The following CUL4A variants were observed in gnomAD, a reference collection of about 807,000 sequenced individuals.
CUL4A encodes the protein cullin 4A, also known as cullin-4A.
A neutral mutation model predicts 95.5 loss-of-function variants in CUL4A; 16 were observed. The observed-to-expected ratio is 0.17, with a 90% CI of 0.11 to 0.25. The LOEUF is 0.25. Among genes scored for constraint, CUL4A ranks in the 10% least tolerant of loss-of-function variants. The pLI, the probability that CUL4A is intolerant of heterozygous loss-of-function variation, is 1.00. For missense variants in CUL4A, 610 were observed against 937.0 expected (o/e 0.65, Z 4.56); for synonymous variants, 380 against 353.1 (o/e 1.08, Z -0.85).
rs533393838 is a variant in CUL4A, at chr13:113,213,982, C to T, written c.264+3894C>T. On this transcript the variant is annotated intron_variant, in intron 2 of 19. Coordinates refer to ENST00000375440, the MANE Select transcript of CUL4A (RefSeq NM_001008895.4). Reference sequence around the variant, plus strand: ...TCTAAGAAAAGCAAATGTGAAATTACTGATGTCTGATCAAGCAGGCAATAC... The same window carrying T: ...TCTAAGAAAAGCAAATGTGAAATTATTGATGTCTGATCAAGCAGGCAATAC... Among the ~76,000 whole-genome samples the T allele has an allele frequency of 1.5e-3, 229 of 152,352 alleles. 1 individual carries two copies. Among genetic ancestry groups the T allele is most frequent in the African/African-American group, 5.4e-3 (225 of 41,578 alleles).
At chr13:113,233,672 C>T (rs752399613) in intron 6 of CUL4A, among the ~76,000 whole-genome samples, 1 of 152,094 alleles carries the variant, frequency 6.6e-6, no homozygotes, top group Non-Finnish European at 1.5e-5. Context: ...AGACAAAGGG[C>T]GAAGTTCTTT....
At chr13:113,238,828 G>A (rs1231476153) in intron 9 of CUL4A, among the ~76,000 whole-genome samples, 2 of 152,110 alleles carry the variant, frequency 1.3e-5, no homozygotes, top group Non-Finnish European at 2.9e-5. Context: ...ACCATTTTAT[G>A]CTTTAACCTG....
intron 5 of CUL4A, chr13:113,229,738 A>G: frequency 3.7e-6 from 2 of 534,426 alleles, no homozygotes; most frequent in South Asian, 5.6e-5. Flanking sequence ...GGAAGCTCGG[A>G]CAGGCGGCTG....
chr13:113,231,245 A>G (rs1358402405), intron 5 of CUL4A, among the ~76,000 whole-genome samples: 2 of 152,220 alleles, frequency 1.3e-5, no homozygotes, highest in Non-Finnish European at 2.9e-5. Flanking sequence ...TGGGCAATGC[A>G]TGGTGAGGAG....
chr13:113,226,259 T>G (rs1173591067), intron 3 of CUL4A, among the ~76,000 whole-genome samples: 1 of 152,232 alleles, frequency 6.6e-6, no homozygotes, highest in East Asian at 1.9e-4. Flanking sequence ...CATTGGCTCT[T>G]GAGTGTGAAG....
intron 2 of CUL4A, among the ~76,000 whole-genome samples, chr13:113,213,331 T>C (rs1361108309): frequency 6.6e-6 from 1 of 152,200 alleles, no homozygotes; most frequent in Non-Finnish European, 1.5e-5. Flanking sequence ...AGCTGAGCAG[T>C]TGGGGCCTGT....
intron 18 of CUL4A, among the ~76,000 whole-genome samples, chr13:113,256,540 C>G (rs1377092016): frequency 1.3e-5 from 2 of 152,172 alleles, no homozygotes; most frequent in Non-Finnish European, 2.9e-5. Flanking sequence ...TCCACCTGTC[C>G]TTCGCTCACC....
rs1307191942 is a variant in CUL4A, at chr13:113,209,981, C to T, written c.157C>T (p.Arg53Trp). The change falls in exon 2 of 20, where the codon CGG becomes TGG. Residue 53 changes from arginine to tryptophan, a missense_variant. By Grantham distance (101) the Arg-to-Trp change is moderately radical. Coordinates refer to ENST00000375440, the MANE Select transcript of CUL4A (RefSeq NM_001008895.4). Reference protein sequence around the residue: ...LVIKNFRDRPRLPDNYTQDTW... With the variant: ...LVIKNFRDRPWLPDNYTQDTW... The stretch of plus-strand genomic sequence containing the variant: ...CTCCCTCCGCCCTGCAGACAGACCT[C>T]GGCTGCCCGACAACTACACGCAGGA... The T allele has an allele frequency of 1.3e-6, 2 of 1,512,738 alleles. No homozygotes were observed. The highest frequency in any genetic ancestry group is 1.5e-5 in the African/African-American group (1 of 68,810). 93.7% of individuals were successfully genotyped at this position (1,512,738 alleles called of 1,614,324 possible). A position where few individuals can be genotyped will look rare whatever the true frequency, so the allele number is the denominator to read the frequency against.
At chr13:113,215,234 GCTGTGGAGGTCGCTGTGTGA>G (rs797011546) in intron 2 of CUL4A, among the ~76,000 whole-genome samples, 106 of 150,008 alleles carry the variant, frequency 7.1e-4, no homozygotes, top group African/African-American at 2.3e-3. Flanking sequence ...ATCCCGTGTG[GCTGTGGAGGTCGCTGTGTGA>G]CTGTGGAGGT....
At chr13:113,223,867 A>G (rs1016003290) in intron 3 of CUL4A, among the ~76,000 whole-genome samples, 2 of 152,020 alleles carry the variant, frequency 1.3e-5, no homozygotes, top group Non-Finnish European at 2.9e-5. Flanking sequence ...TGTTTGATAA[A>G]TTCTGCACTT....
chr13:113,244,674 T>C (rs2041811657), intron 12 of CUL4A, among the ~76,000 whole-genome samples, 160 bp downstream of exon 12: 2 of 152,152 alleles, frequency 1.3e-5, no homozygotes, highest in African/African-American at 4.8e-5. Context: ...ACCCCGTCTC[T>C]ACTAAAAATA....
At chr13:113,231,009 G>A (rs1046886603) in intron 5 of CUL4A, among the ~76,000 whole-genome samples, 2 of 152,118 alleles carry the variant, frequency 1.3e-5, no homozygotes, top group Non-Finnish European at 2.9e-5. Context: ...CTGGCCTCAA[G>A]CGATCCTCCC....
chr13:113,253,970 A>T (rs1475777208), intron 16 of CUL4A, among the ~76,000 whole-genome samples: 1 of 152,228 alleles, frequency 6.6e-6, no homozygotes, highest in Non-Finnish European at 1.5e-5. Flanking sequence ...ATATACATGA[A>T]ACCATATATT....
Position 113,242,964 on chromosome 13 carries a change from G to A in CUL4A, c.1036-4G>A. The A allele has an allele frequency of 2.5e-6, 4 of 1,598,418 alleles. No homozygotes were observed. The highest frequency in any genetic ancestry group is 3.4e-6 in the Non-Finnish European group (4 of 1,167,348). ...GCTGAGTTGGTATTGATTTGCTTTT[G>A]TAGACTTTTGGAACAGCGATCGTAA... On this transcript the variant is annotated splice_region_variant and splice_polypyrimidine_tract_variant and intron_variant, in intron 10 of 19. Transcript: ENST00000375440.
chr13:113,231,238 G>T (rs1411609609), intron 5 of CUL4A, among the ~76,000 whole-genome samples: 1 of 152,190 alleles, frequency 6.6e-6, no homozygotes, highest in Admixed American at 6.5e-5. Flanking sequence ...GTGTGTGTGG[G>T]CAATGCATGG....
chr13:113,261,308 G>A (rs567022571), intron 19 of CUL4A, among the ~76,000 whole-genome samples: 1 of 152,242 alleles, frequency 6.6e-6, no homozygotes, highest in South Asian at 2.1e-4. Context: ...TATCAACCCA[G>A]GAAATACTGA....
At chr13:113,256,695 A>G (rs892455229) in intron 18 of CUL4A, among the ~76,000 whole-genome samples, 15 of 152,164 alleles carry the variant, frequency 9.9e-5, no homozygotes, top group African/African-American at 3.4e-4. Context: ...TAGACATACT[A>G]CTACCTCAAG....
At chr13:113,243,959 C>G (rs2041791439) in intron 11 of CUL4A, among the ~76,000 whole-genome samples, 1 of 152,180 alleles carries the variant, frequency 6.6e-6, no homozygotes, top group Non-Finnish European at 1.5e-5. Context: ...TGTGCAGCCT[C>G]AGAAACAGGA....
chr13:113,219,947 A>C (rs972736236), intron 3 of CUL4A: 1 of 152,212 alleles, frequency 6.6e-6, no homozygotes, highest in Non-Finnish European at 1.5e-5. Context: ...CCAGTACTGT[A>C]GCTGTCCATG....
Sources: allele counts gnomAD v4.1 joint callset (sites outside exome capture counted in the v4.1 genomes callset), GRCh38; gene constraint gnomAD v4.1.1; transcripts MANE v1.5; gene names NCBI Gene and HGNC (gene_info 2026-07-23, HGNC 2026-07-21).